Variants in FTO observed in about 807,000 individuals in gnomAD.
The protein encoded by FTO is alpha-ketoglutarate-dependent dioxygenase FTO.
Under a neutral mutation model 63.9 loss-of-function variants are expected in FTO, and 47 were observed. That is an observed-to-expected ratio of 0.74 (90% confidence interval 0.58 to 0.94). FTO has a LOEUF of 0.94. Ranked by LOEUF, FTO falls within the 40% of genes least tolerant of loss-of-function variation. FTO has a pLI of 0.00. For missense variants in FTO, 562 were observed against 618.1 expected, an observed-to-expected ratio of 0.91 and a Z score of 0.96; for synonymous variants, 207 against 224.4, an observed-to-expected ratio of 0.92 and a Z score of 0.69.
intron 4 of FTO, among the ~76,000 whole-genome samples, chr16:53,846,732 G>A (rs542916446): frequency 9.3e-5 from 14 of 151,248 alleles, no homozygotes; most frequent in African/African-American, 3.2e-4. Flanking sequence ...AACCCGGGAG[G>A]TGGAAGTTGC....
intron 8 of FTO, among the ~76,000 whole-genome samples, chr16:54,055,317 A>G (rs1328017514): frequency 2.0e-5 from 3 of 152,216 alleles, no homozygotes; most frequent in African/African-American, 7.2e-5. Flanking sequence ...ACCCTGAACT[A>G]CATGATTTAG....
chr16:54,011,976 C>T (rs535513667), intron 8 of FTO, among the ~76,000 whole-genome samples: 17 of 152,250 alleles, frequency 1.1e-4, no homozygotes, highest in Admixed American at 4.6e-4. Flanking sequence ...AAAGTTATAG[C>T]GTCCTCCAAG....
At chr16:53,914,540 A>G (rs1173773717) in intron 7 of FTO, among the ~76,000 whole-genome samples, 1 of 152,110 alleles carries the variant, frequency 6.6e-6, no homozygotes, top group East Asian at 1.9e-4. Flanking sequence ...GTCTGTGGCA[A>G]CTTCTCAGGG....
intron 8 of FTO, among the ~76,000 whole-genome samples, chr16:54,078,323 ATATT>A (rs2086050194): frequency 6.8e-6 from 1 of 147,412 alleles, no homozygotes; most frequent in Non-Finnish European, 1.5e-5. Flanking sequence ...GTAAATATAT[ATATT>A]ATTTAGTAAA....
In FTO at chr16:54,010,256, A is replaced by G. The variant is rs915711768; in HGVS notation, c.1364+76147A>G. On this transcript the variant is annotated intron_variant, in intron 8 of 8. Transcript: ENST00000471389. Reference sequence around the variant, plus strand: ...TAGCAAGACCTCATCTCTGCAAGGTAAAAAAATTAACTGAGTGTGGTGGTT... The same window carrying G: ...TAGCAAGACCTCATCTCTGCAAGGTGAAAAAATTAACTGAGTGTGGTGGTT... Among the ~76,000 whole-genome samples the G allele has an allele frequency of 4.6e-5, 7 of 152,036 alleles. 1 individual carries two copies. Among genetic ancestry groups the G allele is most frequent in the Admixed American group, 4.6e-4 (7 of 15,266 alleles).
At chr16:53,860,332 G>A (rs573240195) in intron 4 of FTO, among the ~76,000 whole-genome samples, 2 of 152,350 alleles carry the variant, frequency 1.3e-5, no homozygotes, top group Admixed American at 6.5e-5. Context: ...TTGGGTAGAT[G>A]TTGGTCAAAA....
At chr16:53,815,170 C>G (rs1490475850) in intron 2 of FTO, among the ~76,000 whole-genome samples, 1 of 152,072 alleles carries the variant, frequency 6.6e-6, no homozygotes, top group Non-Finnish European at 1.5e-5. Flanking sequence ...GGCGGTTACT[C>G]TGAGATGAGG....
At chr16:53,863,418 A>G (rs1021882052) in intron 4 of FTO, among the ~76,000 whole-genome samples, 7 of 152,212 alleles carry the variant, frequency 4.6e-5, no homozygotes, top group African/African-American at 1.7e-4. Flanking sequence ...TTGAAGGTGG[A>G]AGAAGATGTG....
chr16:53,974,263 T>C (rs919827096), intron 8 of FTO, among the ~76,000 whole-genome samples: 25 of 152,192 alleles, frequency 1.6e-4, no homozygotes, highest in African/African-American at 5.8e-4. Context: ...AGGGGTCTGA[T>C]GAAGAGCATA....
chr16:53,933,931 T>C (rs2082332948), intron 7 of FTO, 54 bp from the exon 8 acceptor site: 4 of 1,572,540 alleles, frequency 2.5e-6, no homozygotes, highest in Non-Finnish European at 3.5e-6. Flanking sequence ...ATGGGCTTTT[T>C]TTTATTATTA....
In FTO at chr16:54,118,646, C is replaced by T. The variant is rs1236946882; in HGVS notation, c.*6731C>T. Reference sequence around the variant, plus strand: ...GAGATTACAAGCGTGAGCCACTACGCCTTGCCCTCCACACAGCCTTGCTTG... The same window carrying T: ...GAGATTACAAGCGTGAGCCACTACGTCTTGCCCTCCACACAGCCTTGCTTG... On this transcript the variant is annotated 3_prime_UTR_variant, in exon 9 of 9. Coordinates refer to ENST00000471389, the MANE Select transcript of FTO (RefSeq NM_001080432.3). 6.6e-6 allele frequency: 1 copy of T among 152,184 alleles called. No homozygotes were observed. The highest frequency in any genetic ancestry group is 6.5e-5 in the Admixed American group (1 of 15,274). The allele number at this position is 152,184 out of a possible 1,614,324, so 9.4% of individuals were successfully genotyped here. A position where few individuals can be genotyped will look rare whatever the true frequency, so the allele number is the denominator to read the frequency against.
intron 1 of FTO, among the ~76,000 whole-genome samples, chr16:53,711,972 TC>T (rs890740016): frequency 1.3e-5 from 2 of 152,172 alleles, no homozygotes; most frequent in African/African-American, 4.8e-5. Flanking sequence ...ATACCTGTAA[TC>T]CCAATGCTTT....
chr16:53,825,092 A>G (rs1262598683), intron 2 of FTO, among the ~76,000 whole-genome samples: 1 of 152,212 alleles, frequency 6.6e-6, no homozygotes, highest in African/African-American at 2.4e-5. Context: ...GCACAAATCC[A>G]TTTATTCATT....
At chr16:54,028,557 C>A (rs1287878007) in intron 8 of FTO, among the ~76,000 whole-genome samples, 1 of 152,174 alleles carries the variant, frequency 6.6e-6, no homozygotes, top group South Asian at 2.1e-4. Context: ...TGTTGTTAAA[C>A]GATACTACCG....
intron 8 of FTO, among the ~76,000 whole-genome samples, chr16:53,989,546 T>C (rs1782109079): frequency 6.6e-6 from 1 of 152,096 alleles, no homozygotes; most frequent in Non-Finnish European, 1.5e-5. Flanking sequence ...CGGCAAGAAC[T>C]TGGACTCTAT....
At chr16:53,984,099 C>A (rs567734391) in intron 8 of FTO, among the ~76,000 whole-genome samples, 50 of 152,182 alleles carry the variant, frequency 3.3e-4, no homozygotes, top group Non-Finnish European at 5.7e-4. Flanking sequence ...TGGCTTAAAA[C>A]CCTATTGTGA....
Position 53,768,676 on chromosome 16 carries a change from G to A in FTO, c.46-41464G>A, listed in dbSNP as rs1165522352. On this transcript the variant is annotated intron_variant, in intron 1 of 8. Transcript: ENST00000471389. ...TGAGCACAGAGTCATTTTGGGGGTG[G>A]TTTATGAGTCATCTGAAATATGCAT... Among the ~76,000 whole-genome samples the A allele has an allele frequency of 5.9e-5, 9 of 152,180 alleles. No individual in the cohort carries two copies. The South Asian group carries it at 1.7e-3, about 28-fold the overall frequency.
intron 1 of FTO, among the ~76,000 whole-genome samples, chr16:53,785,737 C>T (rs979179285): frequency 6.6e-5 from 10 of 151,770 alleles, no homozygotes; most frequent in Admixed American, 2.0e-4. Flanking sequence ...TGGTGAAACC[C>T]GGTCTCTACT....
chr16:53,773,977 C>T (rs1443739290), intron 1 of FTO, among the ~76,000 whole-genome samples: 6 of 152,152 alleles, frequency 3.9e-5, no homozygotes, highest in Non-Finnish European at 5.9e-5. Context: ...GAAAATTACA[C>T]ATGGAATTTT....
Sources: allele counts gnomAD v4.1 joint callset (sites outside exome capture counted in the v4.1 genomes callset), GRCh38; gene constraint gnomAD v4.1.1; transcripts MANE v1.5; gene names NCBI Gene and HGNC (gene_info 2026-07-23, HGNC 2026-07-21).